Variants in VIT observed in about 807,000 individuals in gnomAD.
VIT encodes the protein vitrin.
A neutral mutation model predicts 78.0 loss-of-function variants in VIT; 99 were observed. That is an observed-to-expected ratio of 1.27 (90% CI 1.08 to 1.50). VIT has a LOEUF of 1.50. Ranked by LOEUF, VIT falls within the 40% of genes most tolerant of loss-of-function variation. The pLI, the probability that VIT is intolerant of heterozygous loss-of-function variation, is 0.00. For synonymous variants in VIT, 374 were observed against 334.3 expected (o/e 1.12, Z -1.29); for missense variants, 1,126 against 875.3 (o/e 1.29, Z -3.61).
At chr2:36,726,226 T>C in intron 2 of VIT, among the ~76,000 whole-genome samples, 1 of 152,320 alleles carries the variant, frequency 6.6e-6, no homozygotes, top group Admixed American at 6.5e-5. Flanking sequence ...CAAAGTTTGG[T>C]TAAGTTATGA....
chr2:36,761,350 C>T (rs1669105650), intron 6 of VIT, among the ~76,000 whole-genome samples: 1 of 152,050 alleles, frequency 6.6e-6, no homozygotes, highest in South Asian at 2.1e-4. Context: ...TTCCTTCTGT[C>T]CACTGGCCTG....
intron 12 of VIT, among the ~76,000 whole-genome samples, chr2:36,799,925 G>T (rs1287089323): frequency 3.3e-5 from 5 of 151,782 alleles, no homozygotes; most frequent in Admixed American, 3.3e-4. Flanking sequence ...ACACGCACCG[G>T]TAGTCCCAGC....
chr2:36,779,851 T>C (rs1052310009), intron 9 of VIT, among the ~76,000 whole-genome samples: 1 of 152,236 alleles, frequency 6.6e-6, no homozygotes, highest in Non-Finnish European at 1.5e-5. Flanking sequence ...TATACACATT[T>C]ACCTCCTTCA....
intron 6 of VIT, 105 bp downstream of exon 6, chr2:36,759,151 C>A: frequency 1.2e-6 from 2 of 1,605,098 alleles, no homozygotes; most frequent in Non-Finnish European, 1.7e-6. Context: ...TCAAGCTCCA[C>A]TGGCTCTGGC....
At chr2:36,783,140 A>C (rs894175923) in intron 10 of VIT, among the ~76,000 whole-genome samples, 200 bp from the exon 11 acceptor site, 1 of 152,220 alleles carries the variant, frequency 6.6e-6, no homozygotes, top group African/African-American at 2.4e-5. Flanking sequence ...CCCCCAGCAG[A>C]GTACTATGTT....
chr2:36,801,677 G>C (rs1335770190), intron 13 of VIT, among the ~76,000 whole-genome samples: 1 of 151,598 alleles, frequency 6.6e-6, no homozygotes, highest in South Asian at 2.1e-4. Flanking sequence ...GTGTGGTGGC[G>C]GGTGCCTATA....
chr2:36,747,826 G>C (rs1428166915), intron 4 of VIT, among the ~76,000 whole-genome samples: 1 of 152,192 alleles, frequency 6.6e-6, no homozygotes, highest in African/African-American at 2.4e-5. Flanking sequence ...AGACTTGGTT[G>C]TGTAGTTGCT....
chr2:36,805,438 G>T lies in VIT; in HGVS notation c.1163G>T (p.Gly388Val), dbSNP rs868436368. The T allele has an allele frequency of 6.2e-7, 1 of 1,601,258 alleles. No individual in the cohort carries two copies. The highest frequency in any genetic ancestry group is 1.3e-5 in the African/African-American group (1 of 74,088). The change falls in exon 14 of 16, where the codon GGT (glycine) becomes GTT (valine). Residue 388 changes from glycine to valine, a missense_variant and splice_region_variant. Gly to Val is a moderately radical substitution (Grantham distance 109, BLOSUM62 -3). Transcript: ENST00000379242. ...AGCATGAATTTTCTTTTTCTTCCAG[G>T]TCGGGCCATCTCCTTTGTGACCAAG... ...ITQRGGLSNV[G>V]RAISFVTKNF...
chr2:36,797,666 A>G (rs1666005069), intron 12 of VIT, among the ~76,000 whole-genome samples: 1 of 152,222 alleles, frequency 6.6e-6, no homozygotes, highest in Admixed American at 6.5e-5. Context: ...AAGGGGACCA[A>G]CCAGTGCACA....
intron 4 of VIT, among the ~76,000 whole-genome samples, chr2:36,752,179 G>A (rs1182110691): frequency 6.6e-6 from 1 of 152,120 alleles, no homozygotes; most frequent in Non-Finnish European, 1.5e-5. Flanking sequence ...CATATTTGAG[G>A]CATCATATTT....
At chr2:36,755,162 T>C in intron 5 of VIT, 108 bp downstream of exon 5, 1 of 1,239,390 alleles carries the variant, frequency 8.1e-7, no homozygotes, top group South Asian at 2.0e-5. Flanking sequence ...TTCATAAAAA[T>C]CTGAAGCATT....
chr2:36,703,012 CAG>C (rs1223089216), intron 1 of VIT, among the ~76,000 whole-genome samples: 1 of 152,192 alleles, frequency 6.6e-6, no homozygotes, highest in African/African-American at 2.4e-5. Context: ...CTCTGTCACA[CAG>C]AGAGTTCTGA....
intron 6 of VIT, chr2:36,759,303 C>T: frequency 6.9e-7 from 1 of 1,447,920 alleles, no homozygotes; most frequent in Non-Finnish European, 9.0e-7. Context: ...TTCAGATTGA[C>T]TGTTGCCTTG....
intron 4 of VIT, among the ~76,000 whole-genome samples, chr2:36,743,560 T>C (rs908020645): frequency 8.5e-5 from 13 of 152,206 alleles, no homozygotes; most frequent in Non-Finnish European, 1.6e-4. Flanking sequence ...TTTCCTTTGG[T>C]TACTTTTAAG....
chr2:36,733,310 C>T (rs1319322468), intron 3 of VIT, among the ~76,000 whole-genome samples: 1 of 152,106 alleles, frequency 6.6e-6, no homozygotes, highest in Non-Finnish European at 1.5e-5. Flanking sequence ...CTCTGTGCAT[C>T]TCTCTCTTTC....
chr2:36,732,996 A>C (rs1475719066), intron 3 of VIT, among the ~76,000 whole-genome samples: 2 of 152,196 alleles, frequency 1.3e-5, no homozygotes, highest in African/African-American at 4.8e-5. Flanking sequence ...AGAGAATAGA[A>C]GGTGAATGTG....
At chr2:36,707,320 G>T (rs1012684261) in intron 1 of VIT, among the ~76,000 whole-genome samples, 2 of 152,090 alleles carry the variant, frequency 1.3e-5, no homozygotes, top group Admixed American at 6.5e-5. Flanking sequence ...TCCTCGGCTG[G>T]ACTTTTCTCG....
chr2:36,755,190 G>C (rs1668691592), intron 5 of VIT, 136 bp downstream of exon 5: 1 of 987,002 alleles, frequency 1.0e-6, no homozygotes, highest in Non-Finnish European at 1.4e-6. Flanking sequence ...CTGATAATTA[G>C]AATCACGACA....
At chr2:36,730,196 G>A (rs377618921) in intron 3 of VIT, among the ~76,000 whole-genome samples, 10 of 151,396 alleles carry the variant, frequency 6.6e-5, no homozygotes, top group East Asian at 1.9e-4. Context: ...GCTGAGGCAC[G>A]AGAATCACTT....
Sources: allele counts gnomAD v4.1 joint callset (sites outside exome capture counted in the v4.1 genomes callset), GRCh38; gene constraint gnomAD v4.1.1; transcripts MANE v1.5; gene names NCBI Gene and HGNC (gene_info 2026-07-23, HGNC 2026-07-21).